The following DROSHA variants were observed in gnomAD, a reference collection of about 807,000 sequenced individuals.
DROSHA encodes the protein drosha ribonuclease III, also known as ribonuclease 3.
DROSHA carries 56 observed loss-of-function variants against 181.9 expected under a neutral mutation model. The ratio of observed to expected loss-of-function variants is 0.31; its 90% confidence interval spans 0.25 to 0.38. The LOEUF (loss-of-function observed/expected upper bound fraction) is 0.38. Among genes scored for constraint, DROSHA ranks in the 10% least tolerant of loss-of-function variants. The pLI is 1.00. For missense variants in DROSHA, 1,218 were observed against 1,743.5 expected, an observed-to-expected ratio of 0.70 and a Z score of 5.37; for synonymous variants, 524 against 591.2, an observed-to-expected ratio of 0.89 and a Z score of 1.65.
At chr5:31,484,250 T>A (rs2150036805) in intron 15 of DROSHA, among the ~76,000 whole-genome samples, 1 of 151,568 alleles carries the variant, frequency 6.6e-6, no homozygotes, top group Non-Finnish European at 1.5e-5. Flanking sequence ...GGTGGGCGCC[T>A]GTAGTCCCAG....
intron 6 of DROSHA, among the ~76,000 whole-genome samples, chr5:31,518,824 T>A (rs1230673298): frequency 6.6e-6 from 1 of 152,174 alleles, no homozygotes; most frequent in Admixed American, 6.6e-5. Context: ...AAAAAGAAAT[T>A]CCACCAAATG....
chr5:31,443,233 G>A (rs1190641859), intron 23 of DROSHA, among the ~76,000 whole-genome samples: 2 of 151,746 alleles, frequency 1.3e-5, no homozygotes, highest in Non-Finnish European at 2.9e-5. Flanking sequence ...GGCCAGGCTG[G>A]ACTTGAACTC....
intron 13 of DROSHA, among the ~76,000 whole-genome samples, chr5:31,491,158 A>T (rs1043435957): frequency 1.3e-5 from 2 of 150,986 alleles, no homozygotes; most frequent in Admixed American, 1.3e-4. Context: ...TCATTAATGA[A>T]GTTCAAAGAA....
At chr5:31,402,785 A>G (rs894219363) in intron 35 of DROSHA, among the ~76,000 whole-genome samples, 3 of 152,158 alleles carry the variant, frequency 2.0e-5, no homozygotes, top group Admixed American at 2.0e-4. Flanking sequence ...GGGGTCAGAG[A>G]TTGATTTTAT....
At chr5:31,493,365 G>A in intron 12 of DROSHA, 72 bp from the exon 13 acceptor site, 1 of 1,359,334 alleles carries the variant, frequency 7.4e-7, no homozygotes, top group Non-Finnish European at 1.0e-6. Flanking sequence ...AATCCATCAG[G>A]ACAGAAAGTA....
intron 33 of DROSHA, 156 bp downstream of exon 33, chr5:31,408,900 T>A (rs554168229): frequency 9.6e-5 from 61 of 637,712 alleles, no homozygotes; most frequent in Non-Finnish European, 1.5e-4. Flanking sequence ...CCAGTGAGTT[T>A]CCCTGTGGGG....
chr5:31,421,224 C>T, intron 30 of DROSHA, 48 bp downstream of exon 30: 1 of 1,456,330 alleles, frequency 6.9e-7, no homozygotes, highest in Non-Finnish European at 9.6e-7. Context: ...CTAATCTTCA[C>T]TCTGCTTTAC....
At chr5:31,468,642 A>T (rs1046577622) in intron 17 of DROSHA, among the ~76,000 whole-genome samples, 2 of 152,226 alleles carry the variant, frequency 1.3e-5, no homozygotes, top group African/African-American at 4.8e-5. Context: ...CTAATAAAGG[A>T]AGAAGTGAAT....
At chr5:31,416,227 C>G (rs1741937587) in intron 30 of DROSHA, among the ~76,000 whole-genome samples, 1 of 152,052 alleles carries the variant, frequency 6.6e-6, no homozygotes, top group Non-Finnish European at 1.5e-5. Context: ...ATAAGTAATC[C>G]TCTCCAAATT....
intron 11 of DROSHA, among the ~76,000 whole-genome samples, chr5:31,496,110 G>A (rs1752944492): frequency 6.6e-6 from 1 of 152,184 alleles, no homozygotes; most frequent in Admixed American, 6.5e-5. Context: ...AAGAGAGCTT[G>A]TTTGGCCTGT....
At chr5:31,443,659 G>A (rs1745921032) in intron 23 of DROSHA, among the ~76,000 whole-genome samples, 1 of 152,132 alleles carries the variant, frequency 6.6e-6, no homozygotes. Context: ...TAGTTTTCAT[G>A]GGCAGCCAGG....
At chr5:31,444,125 G>A (rs1403963974) in intron 23 of DROSHA, among the ~76,000 whole-genome samples, 1 of 152,204 alleles carries the variant, frequency 6.6e-6, no homozygotes, top group African/African-American at 2.4e-5. Flanking sequence ...CAGCACACGG[G>A]GAAGGGACAG....
At chr5:31,504,309 C>A (rs919168183) in intron 11 of DROSHA, among the ~76,000 whole-genome samples, 2 of 152,158 alleles carry the variant, frequency 1.3e-5, no homozygotes, top group East Asian at 1.9e-4. Flanking sequence ...GAAACCATAT[C>A]AAACACACCA....
intron 20 of DROSHA, among the ~76,000 whole-genome samples, chr5:31,463,793 C>T (rs1424864923): frequency 6.6e-6 from 1 of 152,114 alleles, no homozygotes; most frequent in Non-Finnish European, 1.5e-5. Flanking sequence ...TCATTAATGC[C>T]TTCAGTTCTC....
chr5:31,466,169 GT>G lies in DROSHA; in HGVS notation c.2466+12del. ...TCATCGTTAATCACCAAGGAATGGAGTTTGATACAGACCTCCCTCTGTGCCA... is the reference window on the plus strand; with the variant it reads ...TCATCGTTAATCACCAAGGAATGGAGTTGATACAGACCTCCCTCTGTGCCA... On this transcript the variant is annotated intron_variant, in intron 19 of 35. Coordinates refer to ENST00000344624, the MANE Select transcript of DROSHA (RefSeq NM_001382508.1). The G allele has an allele frequency of 1.9e-6, 3 of 1,612,226 alleles. No individual in the cohort carries two copies. The South Asian group carries it at 3.3e-5, about 18-fold the overall frequency.
intron 13 of DROSHA, among the ~76,000 whole-genome samples, chr5:31,488,410 C>T (rs1247234041): frequency 1.8e-5 from 2 of 112,166 alleles, no homozygotes; most frequent in Non-Finnish European, 1.7e-5. Context: ...AAAACTCTAT[C>T]ACCAAAAAAA....
intron 16 of DROSHA, among the ~76,000 whole-genome samples, chr5:31,475,547 C>G (rs1419229838): frequency 6.6e-6 from 1 of 152,166 alleles, no homozygotes; most frequent in African/African-American, 2.4e-5. Flanking sequence ...CATGCATACA[C>G]ACAGAACAGC....
chr5:31,468,030 G>A lies in DROSHA; in HGVS notation c.2275C>T (p.Arg759Cys). The A allele has an allele frequency of 1.2e-6, 2 of 1,611,374 alleles. No individual in the cohort carries two copies. Among genetic ancestry groups the A allele is most frequent in the Non-Finnish European group, 1.7e-6 (2 of 1,178,746 alleles). The change falls in exon 18 of 36, where the codon CGT becomes TGT. Residue 759 changes from arginine to cysteine, a missense_variant. Physicochemically the swap from Arg to Cys is radical, Grantham distance 180. Coordinates refer to ENST00000344624, the MANE Select transcript of DROSHA (RefSeq NM_001382508.1). Reference sequence around the variant, plus strand: ...ATCACATCGGGGTTGAACTGTTCACGATCCAGTTGATCGATACGGACAGAG... The same window carrying A: ...ATCACATCGGGGTTGAACTGTTCACAATCCAGTTGATCGATACGGACAGAG... ...PSSVRIDQLD[R>C]EQFNPDVITF...
rs189670651 is a variant in DROSHA at position 31,424,936 on chromosome 5, A to T, written c.3217-465T>A. Among the ~76,000 whole-genome samples the T allele has an allele frequency of 2.0e-5, 3 of 152,312 alleles. No homozygotes were observed. The East Asian group carries it at 5.8e-4, about 29-fold the overall frequency. On this transcript the variant is annotated intron_variant, in intron 27 of 35. Transcript: ENST00000344624. Reference sequence around the variant, plus strand: ...GAAAACGCCCCATGTCGTCTTCATAAGATCTTATGTTTATGAGATCATGCT... The same window carrying T: ...GAAAACGCCCCATGTCGTCTTCATATGATCTTATGTTTATGAGATCATGCT...
Sources: gnomAD v4.1 joint callset for allele counts (sites outside exome capture counted in the v4.1 genomes callset) on GRCh38, gnomAD v4.1.1 for gene constraint, MANE v1.5 for transcripts, NCBI Gene and HGNC (gene_info 2026-07-23, HGNC 2026-07-21) for gene names.